PIEZO2: variants seen among roughly 807,000 people sequenced by gnomAD.
The protein encoded by PIEZO2 is piezo type mechanosensitive ion channel component 2.
PIEZO2 carries 172 observed loss-of-function variants against 337.3 expected under a neutral mutation model. The observed-to-expected ratio is 0.51, with a 90% CI of 0.45 to 0.58. PIEZO2 has a LOEUF of 0.58. PIEZO2 is among the 20% of genes least tolerant of loss of function. PIEZO2 has a pLI of 0.00. For missense variants in PIEZO2, 3,028 were observed against 3,391.3 expected (o/e 0.89, Z 2.66); for synonymous variants, 1,251 against 1,228.5 (o/e 1.02, Z -0.38).
Position 10,748,704 on chromosome 18 carries a change from T to A in PIEZO2, c.4265-74A>T. 1 of 1,327,916 alleles carries A rather than the reference T, an allele frequency of 7.5e-7. No individual in the cohort carries two copies. Among genetic ancestry groups the A allele is most frequent in the Non-Finnish European group, 9.9e-7 (1 of 1,009,380 alleles). The allele number at this position is 1,327,916 out of a possible 1,614,324, so 82.3% of individuals were successfully genotyped here. On this transcript the variant is annotated intron_variant, in intron 29 of 55. Transcript: ENST00000674853. This position sits in a 1 kb window ranked among gnomAD's most constrained non-coding sequence, Gnocchi z 5.1. Reference sequence around the variant, plus strand: ...TTGTAATTTTATAAAATCTGAGGTATGGTCAGGCTTGGGAAATATAGGCAT... The same window carrying A: ...TTGTAATTTTATAAAATCTGAGGTAAGGTCAGGCTTGGGAAATATAGGCAT...
intron 47 of PIEZO2, among the ~76,000 whole-genome samples, chr18:10,695,606 T>C (rs990693038): frequency 6.6e-6 from 1 of 152,152 alleles, no homozygotes; most frequent in Admixed American, 6.5e-5. Context: ...GGAGACTCTA[T>C]CATCTGCTCC....
rs2035889862 is a variant in PIEZO2, at chr18:10,713,267, G to A, written c.5423+1497C>T. Among the ~76,000 whole-genome samples the A allele has an allele frequency of 6.6e-6, 1 of 151,832 alleles. No individual in the cohort carries two copies. Among genetic ancestry groups the A allele is most frequent in the African/African-American group, 2.4e-5 (1 of 41,324 alleles). On this transcript the variant is annotated intron_variant, in intron 39 of 55. Coordinates refer to ENST00000674853, the MANE Select transcript of PIEZO2 (RefSeq NM_001378183.1). This position sits in a 1 kb window ranked among gnomAD's most constrained non-coding sequence, Gnocchi z 4.5. ...TGGATCTGCCTCAATAATAATTATT[G>A]GGTAGCAAAATAATTGGCATAATTA...
chr18:10,831,781 T>C (rs2040849650), intron 7 of PIEZO2, among the ~76,000 whole-genome samples: 1 of 152,188 alleles, frequency 6.6e-6, no homozygotes. Context: ...TATATATACC[T>C]ACTATGTACC....
chr18:11,128,641 T>G lies in PIEZO2; in HGVS notation c.64+19884A>C, dbSNP rs1379252344. 6.6e-6 allele frequency among the ~76,000 whole-genome samples: 1 copy of G among 152,182 alleles called. No individual in the cohort carries two copies. The highest frequency in any genetic ancestry group is 1.5e-5 in the Non-Finnish European group (1 of 68,032). ...CCTGCGCTGCCTGAGGCAACAGTGA[T>G]GGCCTCCCCTGAAGCAGTTTCTAGG... On this transcript the variant is annotated intron_variant, in intron 1 of 55. Transcript: ENST00000674853. This position sits in a 1 kb window ranked among gnomAD's most constrained non-coding sequence, Gnocchi z 4.1.
chr18:11,061,350 C>G (rs2145897273), intron 2 of PIEZO2, among the ~76,000 whole-genome samples: 1 of 150,676 alleles, frequency 6.6e-6, no homozygotes, highest in South Asian at 2.2e-4. Context: ...TGGCACAAGA[C>G]AGGGATGCCC....
At position 10,801,420 on chromosome 18, in the gene PIEZO2, G is replaced by A. The variant is rs1183974357; in HGVS notation, c.1209C>T (p.Ser403=). Residue 403 remains serine (S), a synonymous_variant, in exon 10 of 56, where the codon TCC becomes TCT. Transcript: ENST00000674853. ...HYPTDERKLL[S]MTQDDYKPSD... ...ATGGTTTGTAGTCATCCTGGGTCAT[G>A]GATAAAAGCTGCAAAAAGCAATGCG... 6.6e-7 allele frequency: 1 copy of A among 1,508,466 alleles called. No individual in the cohort carries two copies. The highest frequency in any genetic ancestry group is 2.0e-5 in the Admixed American group (1 of 50,960). The allele number at this position is 1,508,466 out of a possible 1,614,324, so 93.4% of individuals were successfully genotyped here. A position where few individuals can be genotyped will look rare whatever the true frequency, so the allele number is the denominator to read the frequency against.
chr18:10,838,063 A>G (rs544123927), intron 7 of PIEZO2, among the ~76,000 whole-genome samples: 24 of 151,956 alleles, frequency 1.6e-4, no homozygotes, highest in Admixed American at 1.6e-3. Context: ...AATTTCCTCC[A>G]TGTTACACAA....
At position 11,002,019 on chromosome 18, in the gene PIEZO2, C is replaced by T. The variant is rs2035561432; in HGVS notation, c.161-22359G>A. Among the ~76,000 whole-genome samples, 1 of 152,064 alleles carries T rather than the reference C, an allele frequency of 6.6e-6. No homozygotes were observed. The highest frequency in any genetic ancestry group is 2.1e-4 in the South Asian group (1 of 4,820). ...ATTCTAGATCTTCTACCTGTAAGGG[C>T]CAGAGAGTAGATATTTTAGGCTTTG... On this transcript the variant is annotated intron_variant, in intron 2 of 55. Coordinates refer to ENST00000674853, the MANE Select transcript of PIEZO2 (RefSeq NM_001378183.1). This position sits in a 1 kb window ranked among gnomAD's most constrained non-coding sequence, Gnocchi z 4.3.
chr18:10,789,457 C>A, intron 14 of PIEZO2, 92 bp from the exon 15 acceptor site: 1 of 1,354,606 alleles, frequency 7.4e-7, no homozygotes, highest in Non-Finnish European at 9.8e-7. Flanking sequence ...TAGAGGCATG[C>A]ATTTTCTAAG....
rs1446507424 is a variant in PIEZO2, at chr18:10,878,919, G to C, written c.330-7504C>G. Reference sequence around the variant, plus strand: ...AGTGCAGGTGGTGTTTTCACAATGAGTGTCAGGTGTGGTTAGGACTTTCAG... The same window carrying C: ...AGTGCAGGTGGTGTTTTCACAATGACTGTCAGGTGTGGTTAGGACTTTCAG... On this transcript the variant is annotated intron_variant, in intron 4 of 55. Transcript: ENST00000674853. This position sits in a 1 kb window ranked among gnomAD's most constrained non-coding sequence, Gnocchi z 4.3. Among the ~76,000 whole-genome samples the C allele has an allele frequency of 6.6e-6, 1 of 152,184 alleles. No homozygotes were observed. Among genetic ancestry groups the C allele is most frequent in the African/African-American group, 2.4e-5 (1 of 41,446 alleles).
chr18:10,892,655 G>GA (rs1327411248), intron 4 of PIEZO2, among the ~76,000 whole-genome samples: 16 of 151,292 alleles, frequency 1.1e-4, no homozygotes, highest in Admixed American at 4.6e-4. Flanking sequence ...CCAGAGAGAG[G>GA]GAGAGAGAAA....
chr18:10,689,749 C>T lies in PIEZO2; in HGVS notation c.7403G>A (p.Trp2468Ter). 1.2e-6 allele frequency: 2 copies of T among 1,614,160 alleles called. No homozygotes were observed. Among genetic ancestry groups the T allele is most frequent in the Non-Finnish European group, 8.5e-7 (1 of 1,180,008 alleles). Residue 2468 changes from tryptophan (W) to a stop codon, truncating the protein, a stop_gained, in exon 49 of 56, where the codon TGG becomes TAG. Transcript: ENST00000674853. LOFTEE classifies it high-confidence loss of function. Reference sequence around the variant, plus strand: ...GGACAGGCTCAAAGTTGTGTCCGTCCACACCCAGTCCATCACTGCCCTCAG... The same window carrying T: ...GGACAGGCTCAAAGTTGTGTCCGTCTACACCCAGTCCATCACTGCCCTCAG... ...TELRAVMDWVWTDTTLSLSSW... is the reference protein window; with the variant it reads ...TELRAVMDWV
rs1373905603 is a variant in PIEZO2, at chr18:10,821,662, A to G, written c.918-14388T>C. Among the ~76,000 whole-genome samples, 1 of 152,160 alleles carries G rather than the reference A, an allele frequency of 6.6e-6. No individual in the cohort carries two copies. Among genetic ancestry groups the G allele is most frequent in the Non-Finnish European group, 1.5e-5 (1 of 68,032 alleles). On this transcript the variant is annotated intron_variant, in intron 7 of 55. Transcript: ENST00000674853. The surrounding 1 kb of genome is among the most constrained non-coding windows in gnomAD (Gnocchi z 4.2). ...TGCTGGAACCAGGAAATATGAGTCA[A>G]GTATCACCCCCACCCACCACCACCT...
intron 1 of PIEZO2, among the ~76,000 whole-genome samples, chr18:11,100,865 G>T (rs1210006878): frequency 1.2e-4 from 19 of 152,146 alleles, no homozygotes; most frequent in Admixed American, 1.2e-3. Context: ...AAAGTGCTGG[G>T]ATTACAGGCA....
At chr18:10,860,380 C>T (rs1023513585) in intron 5 of PIEZO2, among the ~76,000 whole-genome samples, 12 of 152,140 alleles carry the variant, frequency 7.9e-5, no homozygotes, top group Non-Finnish European at 1.6e-4. Flanking sequence ...CTCTTTGCCT[C>T]TTTGCTGTGG....
rs945796371 is a variant in PIEZO2, at chr18:10,853,504, G to A, written c.917+1849C>T. ...AATTGAAATTGCAGCAGATCCATGG[G>A]AATTCGCTGTCAGTAACATACTTTG... is the stretch of plus-strand genomic sequence containing the variant. On this transcript the variant is annotated intron_variant, in intron 7 of 55. Transcript: ENST00000674853. This position sits in a 1 kb window ranked among gnomAD's most constrained non-coding sequence, Gnocchi z 4.2. Among the ~76,000 whole-genome samples, 1 of 152,184 alleles carries A rather than the reference G, an allele frequency of 6.6e-6. No individual in the cohort carries two copies. The highest frequency in any genetic ancestry group is 2.4e-5 in the African/African-American group (1 of 41,446).
In PIEZO2 at chr18:10,713,798, T is replaced by C. The variant is rs1233929056; in HGVS notation, c.5423+966A>G. Among the ~76,000 whole-genome samples, 2 of 152,244 alleles carry C rather than the reference T, an allele frequency of 1.3e-5. No individual in the cohort carries two copies. The highest frequency in any genetic ancestry group is 2.9e-5 in the Non-Finnish European group (2 of 68,046). The stretch of plus-strand genomic sequence containing the variant: ...ACAATTCTTTACCCATGAAGGTGGC[T>C]ATAAGGTGTAATTCATTTGGTCTAG... On this transcript the variant is annotated intron_variant, in intron 39 of 55. Coordinates refer to ENST00000674853, the MANE Select transcript of PIEZO2 (RefSeq NM_001378183.1). This position sits in a 1 kb window ranked among gnomAD's most constrained non-coding sequence, Gnocchi z 4.5.
chr18:11,026,241 T>C lies in PIEZO2; in HGVS notation c.160+39886A>G, dbSNP rs141980503. Among the ~76,000 whole-genome samples the C allele has an allele frequency of 2.3e-3, 348 of 152,288 alleles. 6 individuals are homozygous for C. Among genetic ancestry groups the C allele is most frequent in the Admixed American group, 0.021 (328 of 15,292 alleles). On this transcript the variant is annotated intron_variant, in intron 2 of 55. Transcript: ENST00000674853. ...TGCTTGTCTTCACATGTTTCACACATTATTTCTATTTTTATTAATATATTG... is the reference window on the plus strand; with the variant it reads ...TGCTTGTCTTCACATGTTTCACACACTATTTCTATTTTTATTAATATATTG...
intron 2 of PIEZO2, among the ~76,000 whole-genome samples, chr18:10,989,562 T>C (rs953581439): frequency 2.6e-5 from 4 of 151,560 alleles, no homozygotes; most frequent in Admixed American, 6.6e-5. Flanking sequence ...ATAAATAATA[T>C]TTACAGACAG....
Sources: gnomAD v4.1 joint callset for allele counts (sites outside exome capture counted in the v4.1 genomes callset) on GRCh38, gnomAD v4.1.1 for gene constraint, Gnocchi (gnomAD v3.1) non-coding constraint, MANE v1.5 for transcripts, NCBI Gene and HGNC (gene_info 2026-07-23, HGNC 2026-07-21) for gene names.